DARS1: variants seen among roughly 807,000 people sequenced by gnomAD.
DARS1 encodes the protein aspartate--tRNA ligase, cytoplasmic.
DARS1 carries 51 observed loss-of-function variants against 68.8 expected under a neutral mutation model. The observed-to-expected ratio is 0.74, with a 90% CI of 0.59 to 0.94. DARS1 has a LOEUF of 0.94. Ranked by LOEUF, DARS1 falls within the 40% of genes least tolerant of loss-of-function variation. DARS1 has a pLI of 0.00. For synonymous variants in DARS1, 203 were observed against 190.4 expected (o/e 1.07, Z -0.55); for missense variants, 607 against 597.3 (o/e 1.02, Z -0.17).
At position 135,932,843 on chromosome 2, in the gene DARS1, CT is replaced by C. The variant is rs773586788; in HGVS notation, c.505-2del. 2.2e-5 allele frequency: 25 copies of C among 1,132,018 alleles called. No individual in the cohort carries two copies. Among genetic ancestry groups the C allele is most frequent in the African/African-American group, 8.1e-5 (3 of 37,004 alleles). The allele number at this position is 1,132,018 out of a possible 1,614,324, so 70.1% of individuals were successfully genotyped here. ...CCTGGTTAACAGTAGCTCTTCCTTC[CT>C]AAAAAAAAAAAAAAAGAAAAGAAAA... On this transcript the variant is annotated splice_acceptor_variant, in intron 6 of 15. Transcript: ENST00000264161. LOFTEE classifies it high-confidence loss of function.
At chr2:135,982,199 C>T (rs1227957479) in intron 2 of DARS1, among the ~76,000 whole-genome samples, 2 of 152,004 alleles carry the variant, frequency 1.3e-5, no homozygotes, top group Non-Finnish European at 2.9e-5. Context: ...TAAGACAAAT[C>T]TGTTGAAATT....
intron 1 of DARS1, 43 bp from the exon 2 acceptor site, chr2:135,983,497 C>T: frequency 1.3e-6 from 1 of 766,026 alleles, no homozygotes. Context: ...TATGTAAACA[C>T]TAAGAGCACA....
At chr2:135,922,943 T>C in intron 8 of DARS1, 25 bp from the exon 9 acceptor site, 1 of 1,487,978 alleles carries the variant, frequency 6.7e-7, no homozygotes, top group Non-Finnish European at 8.9e-7. Flanking sequence ...TTTATATTTA[T>C]ATTATTATAA....
chr2:135,927,771 A>G (rs1040603563), intron 7 of DARS1, among the ~76,000 whole-genome samples: 1 of 152,190 alleles, frequency 6.6e-6, no homozygotes, highest in South Asian at 2.1e-4. Flanking sequence ...CAGTCCTTGA[A>G]CTTTAGTTCT....
In DARS1 at chr2:135,911,368, T is replaced by C. The variant is rs115876148; in HGVS notation, c.1342+14A>G. The C allele has an allele frequency of 2.4e-3, 2,150 of 889,426 alleles. 45 individuals are homozygous for C. In the African/African-American group the frequency reaches 0.031, roughly 13 times the overall value. 55.1% of individuals were successfully genotyped at this position (889,426 alleles called of 1,614,324 possible). Reference sequence around the variant, plus strand: ...CAGAATATACACTCCCCTAAATTATTTTAAGTTGTTTACCAATTCCATGAT... The same window carrying C: ...CAGAATATACACTCCCCTAAATTATCTTAAGTTGTTTACCAATTCCATGAT... On this transcript the variant is annotated intron_variant, in intron 14 of 15. Coordinates refer to ENST00000264161, the MANE Select transcript of DARS1 (RefSeq NM_001349.4).
rs74462337 is a variant in DARS1 at position 135,936,072 on chromosome 2, T to G, written c.424-2082A>C. 1.8e-3 allele frequency among the ~76,000 whole-genome samples: 269 copies of G among 152,274 alleles called. 2 individuals carry two copies. Among genetic ancestry groups the G allele is most frequent in the African/African-American group, 6.1e-3 (255 of 41,544 alleles). ...AACTAGTGGGAATTCATCATCCTCT[T>G]TACTAGACCATGAGTACTCTGACCC... On this transcript the variant is annotated intron_variant, in intron 5 of 15. Coordinates refer to ENST00000264161, the MANE Select transcript of DARS1 (RefSeq NM_001349.4).
At position 135,910,043 on chromosome 2, in the gene DARS1, T is replaced by C. The variant is rs75843510; in HGVS notation, c.1414+1096A>G. Among the ~76,000 whole-genome samples, 1,295 of 152,284 alleles carry C rather than the reference T, an allele frequency of 8.5e-3. 12 individuals carry two copies. The highest frequency in any genetic ancestry group is 0.028 in the African/African-American group (1,157 of 41,576). On this transcript the variant is annotated intron_variant, in intron 15 of 15. Coordinates refer to ENST00000264161, the MANE Select transcript of DARS1 (RefSeq NM_001349.4). ...TTTTGGATAAGGGATACTCAATCTA[T>C]ACTTTCTTTATCCATTCATCCACTG... is the stretch of plus-strand genomic sequence containing the variant.
intron 3 of DARS1, among the ~76,000 whole-genome samples, chr2:135,965,754 C>T (rs1682218472): frequency 1.3e-5 from 2 of 152,246 alleles, no homozygotes; most frequent in African/African-American, 4.8e-5. Context: ...GAAATTGAAA[C>T]AGAACTACTT....
At chr2:135,952,867 C>A (rs573865518) in intron 4 of DARS1, among the ~76,000 whole-genome samples, 36 of 152,246 alleles carry the variant, frequency 2.4e-4, no homozygotes, top group African/African-American at 8.4e-4. Flanking sequence ...TTGACATAAT[C>A]ATTTCATTTC....
intron 7 of DARS1, among the ~76,000 whole-genome samples, chr2:135,927,091 GGTT>G (rs1317047869): frequency 4.6e-5 from 7 of 152,040 alleles, no homozygotes; most frequent in Admixed American, 4.6e-4. Flanking sequence ...AAACAAAATC[GGTT>G]TTTTATAGAC....
At chr2:135,940,418 A>G (rs755621610) in intron 5 of DARS1, among the ~76,000 whole-genome samples, 1 of 152,236 alleles carries the variant, frequency 6.6e-6, no homozygotes, top group Non-Finnish European at 1.5e-5. Context: ...CCACATGATT[A>G]TCTCAATAGA....
chr2:135,970,590 G>C (rs911349509), intron 3 of DARS1, among the ~76,000 whole-genome samples: 3 of 151,730 alleles, frequency 2.0e-5, no homozygotes, highest in African/African-American at 7.3e-5. Context: ...CCCAAAATCA[G>C]AAGAACTAAT....
chr2:135,944,668 T>C (rs1049810470), intron 4 of DARS1, among the ~76,000 whole-genome samples: 3 of 152,208 alleles, frequency 2.0e-5, no homozygotes, highest in East Asian at 1.9e-4. Flanking sequence ...AAATCTTGAC[T>C]ACTGAAGAAA....
chr2:135,948,587 G>T (rs1681775611), intron 4 of DARS1, among the ~76,000 whole-genome samples: 1 of 152,146 alleles, frequency 6.6e-6, no homozygotes, highest in African/African-American at 2.4e-5. Context: ...AATGTAGGCT[G>T]GGTACAGTGG....
intron 4 of DARS1, among the ~76,000 whole-genome samples, chr2:135,947,493 T>C (rs1238852894): frequency 6.6e-6 from 1 of 152,014 alleles, no homozygotes; most frequent in Admixed American, 6.5e-5. Context: ...ATTTCTATTA[T>C]TTCTTTAGCA....
intron 5 of DARS1, among the ~76,000 whole-genome samples, chr2:135,935,587 G>A (rs562133781): frequency 9.9e-5 from 15 of 152,116 alleles, no homozygotes; most frequent in Non-Finnish European, 1.2e-4. Flanking sequence ...GTGACACAGC[G>A]AGACTCTGTC....
rs1036120142 is a variant in DARS1 at position 135,922,869 on chromosome 2, A to G, written c.726T>C (p.Asn242=). 1 of 1,585,114 alleles carries G rather than the reference A, an allele frequency of 6.3e-7. No individual in the cohort carries two copies. The highest frequency in any genetic ancestry group is 1.4e-5 in the African/African-American group (1 of 73,564). ...ANVFTVSYFK[N]NAYLAQSPQL... is the part of the protein sequence containing the mutation. ...GTGGGGACTGAGCCAGGTATGCATT[A>G]TTTTTAAAATATGACACAGTAAAAA... Residue 242 remains asparagine (N), a synonymous_variant, in exon 9 of 16, where the codon AAT becomes AAC. Transcript: ENST00000264161.
At chr2:135,913,397 C>G (rs1244555190) in intron 12 of DARS1, among the ~76,000 whole-genome samples, 1 of 152,040 alleles carries the variant, frequency 6.6e-6, no homozygotes, top group South Asian at 2.1e-4. Context: ...ATGACATTAA[C>G]TTGAAATTAT....
rs567834370 is a variant in DARS1, at chr2:135,912,147, A to G, written c.1230+339T>C. On this transcript the variant is annotated intron_variant, in intron 13 of 15. Transcript: ENST00000264161. The stretch of plus-strand genomic sequence containing the variant: ...TTAGATTATTAACTCCCAGGATACA[A>G]TGTGAATTCCCAGTTTAAGGTCAAT... Among the ~76,000 whole-genome samples, 133 of 152,336 alleles carry G rather than the reference A, an allele frequency of 8.7e-4. 3 individuals carry two copies. Among genetic ancestry groups the G allele is most frequent in the African/African-American group, 2.8e-3 (116 of 41,580 alleles).
Sources: gnomAD v4.1 joint callset for allele counts (sites outside exome capture counted in the v4.1 genomes callset) on GRCh38, gnomAD v4.1.1 for gene constraint, MANE v1.5 for transcripts, NCBI Gene and HGNC (gene_info 2026-07-23, HGNC 2026-07-21) for gene names.